The following NCAM2 variants were observed in gnomAD, a reference collection of about 807,000 sequenced individuals.
The protein encoded by NCAM2 is N-CAM-2.
In NCAM2, 30 loss-of-function variants were observed where a neutral mutation model predicts 98.1. That is an observed-to-expected ratio of 0.31 (90% CI 0.23 to 0.41). The LOEUF is 0.41. Among genes scored for constraint, NCAM2 ranks in the 10% least tolerant of loss-of-function variants. The pLI is 1.00. For missense variants in NCAM2, 867 were observed against 1,005.8 expected, an observed-to-expected ratio of 0.86 and a Z score of 1.87; for synonymous variants, 368 against 342.4, an observed-to-expected ratio of 1.07 and a Z score of -0.83.
intron 11 of NCAM2, among the ~76,000 whole-genome samples, chr21:21,425,262 TA>T (rs199682970): frequency 5.9e-5 from 9 of 151,298 alleles, no homozygotes; most frequent in East Asian, 3.9e-4. Context: ...TAAAGTATAA[TA>T]AAAAAAAGTG....
chr21:21,455,853 T>C (rs1177188681), intron 12 of NCAM2, among the ~76,000 whole-genome samples: 1 of 152,022 alleles, frequency 6.6e-6, no homozygotes, highest in Admixed American at 6.6e-5. Flanking sequence ...TTGAATTTCA[T>C]TGAAAAATAA....
chr21:21,365,991 G>A (rs558972619), intron 8 of NCAM2, among the ~76,000 whole-genome samples: 1 of 151,788 alleles, frequency 6.6e-6, no homozygotes, highest in East Asian at 1.9e-4. Context: ...GAAAAAAGGT[G>A]AATATATCCT....
At chr21:21,485,148 T>C (rs1986239755) in intron 15 of NCAM2, among the ~76,000 whole-genome samples, 1 of 152,172 alleles carries the variant, frequency 6.6e-6, no homozygotes, top group Non-Finnish European at 1.5e-5. Context: ...ATTTTCCCTT[T>C]GTTGAACCAA....
intron 1 of NCAM2, among the ~76,000 whole-genome samples, chr21:21,055,099 A>G (rs2065186078): frequency 1.3e-5 from 2 of 152,056 alleles, no homozygotes; most frequent in Admixed American, 6.6e-5. Context: ...CTTAATTTTC[A>G]GACAACCTTT....
At chr21:21,340,619 G>A (rs2075000410) in intron 8 of NCAM2, among the ~76,000 whole-genome samples, 1 of 151,882 alleles carries the variant, frequency 6.6e-6, no homozygotes, top group Non-Finnish European at 1.5e-5. Flanking sequence ...AAGAAATTAA[G>A]TCTATTGTAT....
intron 1 of NCAM2, among the ~76,000 whole-genome samples, chr21:21,139,150 G>A (rs1203765518): frequency 6.6e-6 from 1 of 152,264 alleles, no homozygotes; most frequent in African/African-American, 2.4e-5. Context: ...GAAAAAGGCA[G>A]AGGGGGATTT....
chr21:21,126,278 G>A (rs1316564496), intron 1 of NCAM2, among the ~76,000 whole-genome samples: 2 of 136,584 alleles, frequency 1.5e-5, no homozygotes, highest in Non-Finnish European at 3.1e-5. Flanking sequence ...AAGTGTATTT[G>A]AATTAGCGTA....
intron 6 of NCAM2, 52 bp from the exon 7 acceptor site, chr21:21,335,450 TCTA>T: frequency 6.9e-7 from 1 of 1,446,586 alleles, no homozygotes; most frequent in East Asian, 2.4e-5. Flanking sequence ...TTGATTAAAA[TCTA>T]CTAAATTATA....
At chr21:21,351,281 G>A (rs943159221) in intron 8 of NCAM2, among the ~76,000 whole-genome samples, 6 of 151,712 alleles carry the variant, frequency 4.0e-5, no homozygotes, top group African/African-American at 1.5e-4. Flanking sequence ...TATTATTGGC[G>A]ATATTTCCAT....
intron 1 of NCAM2, among the ~76,000 whole-genome samples, chr21:21,200,751 ATTTTT>A (rs58162973): frequency 2.8e-5 from 3 of 108,676 alleles, no homozygotes; most frequent in Admixed American, 2.1e-4. Flanking sequence ...GGGGCCCTTC[ATTTTT>A]TTTTTTTTTT....
chr21:21,122,319 G>A (rs1413867240), intron 1 of NCAM2, among the ~76,000 whole-genome samples: 2 of 152,138 alleles, frequency 1.3e-5, no homozygotes, highest in Non-Finnish European at 2.9e-5. Context: ...TGGAAAAAGT[G>A]TTCCAGGCAC....
At chr21:21,323,562 T>C (rs983642186) in intron 5 of NCAM2, among the ~76,000 whole-genome samples, 9 of 152,190 alleles carry the variant, frequency 5.9e-5, no homozygotes, top group African/African-American at 2.2e-4. Context: ...AAAGTGTGCA[T>C]TGAGTCACAA....
At chr21:21,320,418 G>A (rs2074347023) in intron 5 of NCAM2, among the ~76,000 whole-genome samples, 1 of 151,754 alleles carries the variant, frequency 6.6e-6, no homozygotes, top group Non-Finnish European at 1.5e-5. Context: ...TATGCATTTT[G>A]AGTTCCAGAA....
At chr21:21,330,556 A>G (rs2074645234) in intron 6 of NCAM2, among the ~76,000 whole-genome samples, 1 of 152,182 alleles carries the variant, frequency 6.6e-6, no homozygotes, top group African/African-American at 2.4e-5. Context: ...TGTGTATTCC[A>G]CTATTATTGT....
At chr21:21,326,570 A>C (rs1340784124) in intron 6 of NCAM2, among the ~76,000 whole-genome samples, 2 of 152,062 alleles carry the variant, frequency 1.3e-5, no homozygotes, top group African/African-American at 4.8e-5. Context: ...TTTTTTTCTT[A>C]AAGTTTTACA....
intron 1 of NCAM2, among the ~76,000 whole-genome samples, chr21:21,194,381 T>C (rs2068932860): frequency 6.6e-6 from 1 of 152,192 alleles, no homozygotes; most frequent in Admixed American, 6.5e-5. Flanking sequence ...GTTATTATTA[T>C]ATCTTAGGAC....
At position 21,280,509 on chromosome 21, in the gene NCAM2, C is replaced by T; in HGVS notation, c.56-69C>T. The T allele has an allele frequency of 1.0e-5, 11 of 1,053,188 alleles. No individual in the cohort carries two copies. In the South Asian group the frequency reaches 1.4e-4, roughly 13 times the overall value. The allele number at this position is 1,053,188 out of a possible 1,614,324, so 65.2% of individuals were successfully genotyped here. On this transcript the variant is annotated intron_variant, in intron 1 of 17. Coordinates refer to ENST00000400546, the MANE Select transcript of NCAM2 (RefSeq NM_004540.5). ...CAGCGTTTGGACCATGTGGTTTAGACATCATGCATTAAAATCTTAGAAATC... is the reference window on the plus strand; with the variant it reads ...CAGCGTTTGGACCATGTGGTTTAGATATCATGCATTAAAATCTTAGAAATC...
At chr21:21,272,663 T>TA (rs2072560717) in intron 1 of NCAM2, among the ~76,000 whole-genome samples, 1 of 152,024 alleles carries the variant, frequency 6.6e-6, no homozygotes, top group African/African-American at 2.4e-5. Flanking sequence ...AAGGGACATT[T>TA]AAAAAAAGAA....
chr21:21,495,567 A>G (rs962674777), intron 15 of NCAM2, among the ~76,000 whole-genome samples: 3 of 151,986 alleles, frequency 2.0e-5, no homozygotes, highest in African/African-American at 7.2e-5. Flanking sequence ...CTGTTTGTCA[A>G]TTTTGATTTG....
Sources: allele counts gnomAD v4.1 joint callset (sites outside exome capture counted in the v4.1 genomes callset), GRCh38; gene constraint gnomAD v4.1.1; transcripts MANE v1.5; gene names NCBI Gene and HGNC (gene_info 2026-07-23, HGNC 2026-07-21).